The following TET1 variants were observed in gnomAD, a reference collection of about 807,000 sequenced individuals.
TET1 encodes methylcytosine dioxygenase TET1.
In TET1, 13 loss-of-function variants were observed where a neutral mutation model predicts 148.7. The observed-to-expected ratio is 0.09, with a 90% CI of 0.06 to 0.14. TET1 has a LOEUF of 0.14. TET1 is among the 10% of genes least tolerant of loss of function. The pLI is 1.00. For missense variants in TET1, 2,182 were observed against 2,553.8 expected, an observed-to-expected ratio of 0.85 and a Z score of 3.14; for synonymous variants, 907 against 937.2, an observed-to-expected ratio of 0.97 and a Z score of 0.59.
At chr10:68,575,059 T>C (rs187282055) in intron 2 of TET1, among the ~76,000 whole-genome samples, 2 of 152,342 alleles carry the variant, frequency 1.3e-5, no homozygotes, top group East Asian at 3.9e-4. Context: ...ACATCTACTA[T>C]GAATGCAGGT....
chr10:68,617,233 C>CT, intron 3 of TET1, among the ~76,000 whole-genome samples: 1 of 149,568 alleles, frequency 6.7e-6, no homozygotes. Flanking sequence ...ACCATGTTAA[C>CT]CAGTATGGTC....
At chr10:68,672,343 C>T (rs909518533) in intron 7 of TET1, among the ~76,000 whole-genome samples, 1 of 151,616 alleles carries the variant, frequency 6.6e-6, no homozygotes, top group African/African-American at 2.4e-5. Flanking sequence ...AAAAAATTAG[C>T]TGGGCGTGGT....
chr10:68,606,138 G>A (rs2054120356), intron 3 of TET1, among the ~76,000 whole-genome samples: 1 of 151,720 alleles, frequency 6.6e-6, no homozygotes, highest in Admixed American at 6.6e-5. Context: ...AGGCCAGGAT[G>A]AGTGGATCAC....
intron 3 of TET1, among the ~76,000 whole-genome samples, chr10:68,623,138 A>G (rs1589084619): frequency 6.6e-6 from 1 of 152,206 alleles, no homozygotes; most frequent in East Asian, 1.9e-4. Context: ...CAAGTCCTTT[A>G]ATCGTATTTA....
intron 2 of TET1, among the ~76,000 whole-genome samples, chr10:68,595,452 G>A (rs2053966703): frequency 6.6e-6 from 1 of 151,942 alleles, no homozygotes; most frequent in African/African-American, 2.4e-5. Flanking sequence ...TAATTTGGAA[G>A]AAAATTCCTT....
At chr10:68,621,572 C>G (rs1372068508) in intron 3 of TET1, among the ~76,000 whole-genome samples, 2 of 152,034 alleles carry the variant, frequency 1.3e-5, no homozygotes, top group African/African-American at 2.4e-5. Context: ...CAGAGTGAGA[C>G]TCCATCTCAA....
chr10:68,572,145 T>C (rs1169543793), intron 1 of TET1, 72 bp from the exon 2 acceptor site: 3 of 551,626 alleles, frequency 5.4e-6, no homozygotes, highest in Non-Finnish European at 9.5e-6. Flanking sequence ...CAATTAGTAG[T>C]GAATATTCTA....
intron 6 of TET1, among the ~76,000 whole-genome samples, chr10:68,660,804 G>T (rs569987830): frequency 6.6e-6 from 1 of 151,172 alleles, no homozygotes; most frequent in Admixed American, 6.6e-5. Context: ...GGTATTACAG[G>T]TGCCCACCAC....
At chr10:68,592,333 A>AAAAAC (rs771122351) in intron 2 of TET1, among the ~76,000 whole-genome samples, 1 of 151,194 alleles carries the variant, frequency 6.6e-6, no homozygotes, top group East Asian at 1.9e-4. Flanking sequence ...AGAAAAAACA[A>AAAAAC]AAAACAAAAC....
intron 3 of TET1, among the ~76,000 whole-genome samples, chr10:68,603,109 G>T (rs1029977501): frequency 2.6e-5 from 4 of 152,168 alleles, no homozygotes; most frequent in Non-Finnish European, 5.9e-5. Flanking sequence ...CTAGGAGCAT[G>T]CTACCTGGGG....
chr10:68,657,310 A>G (rs191053975), intron 6 of TET1, among the ~76,000 whole-genome samples: 27,522 of 151,686 alleles, frequency 0.18, 3,079 homozygotes, highest in African/African-American at 0.31. Context: ...CCGAGTAGCT[A>G]GGACTACAGG....
chr10:68,589,311 A>C (rs1489018714), intron 2 of TET1, among the ~76,000 whole-genome samples: 1 of 151,980 alleles, frequency 6.6e-6, no homozygotes, highest in Non-Finnish European at 1.5e-5. Flanking sequence ...TATCAATTTC[A>C]TTATCACTAG....
At chr10:68,565,475 A>AAAATT (rs1388182777) in intron 1 of TET1, among the ~76,000 whole-genome samples, 1 of 129,232 alleles carries the variant, frequency 7.7e-6, no homozygotes, top group Non-Finnish European at 1.6e-5. Flanking sequence ...AAAAAAAAAA[A>AAAATT]ATATATATAT....
chr10:68,650,700 T>G (rs2054919267), intron 4 of TET1, among the ~76,000 whole-genome samples: 1 of 152,116 alleles, frequency 6.6e-6, no homozygotes, highest in Non-Finnish European at 1.5e-5. Flanking sequence ...GTATTTGACA[T>G]CCAGTGAAAA....
At chr10:68,675,727 A>G (rs2055340397) in intron 8 of TET1, among the ~76,000 whole-genome samples, 1 of 151,920 alleles carries the variant, frequency 6.6e-6, no homozygotes, top group Admixed American at 6.6e-5. Context: ...GGCCAGGCAG[A>G]TTTTTAGAAA....
intron 6 of TET1, among the ~76,000 whole-genome samples, chr10:68,656,014 G>A (rs2055015694): frequency 6.6e-6 from 1 of 152,128 alleles, no homozygotes; most frequent in South Asian, 2.1e-4. Flanking sequence ...GTACATTCAA[G>A]GGATGTAGGT....
At chr10:68,607,391 T>G (rs2054139383) in intron 3 of TET1, among the ~76,000 whole-genome samples, 1 of 148,928 alleles carries the variant, frequency 6.7e-6, no homozygotes, top group Non-Finnish European at 1.5e-5. Flanking sequence ...TTTATTTAAG[T>G]TTTGTTTGGA....
chr10:68,582,090 A>T (rs1483216249), intron 2 of TET1, among the ~76,000 whole-genome samples: 2 of 147,308 alleles, frequency 1.4e-5, no homozygotes, highest in Non-Finnish European at 3.0e-5. Context: ...AGCATATTAG[A>T]TGACACTATT....
At chr10:68,682,790 A>AT in intron 9 of TET1, 46 bp from the exon 10 acceptor site, 1 of 1,570,392 alleles carries the variant, frequency 6.4e-7, no homozygotes, top group African/African-American at 1.4e-5. Flanking sequence ...AAGGTAGGTG[A>AT]TTTCCTTCTC....
Sources: gnomAD v4.1 joint callset for allele counts (sites outside exome capture counted in the v4.1 genomes callset) on GRCh38, gnomAD v4.1.1 for gene constraint, MANE v1.5 for transcripts, NCBI Gene and HGNC (gene_info 2026-07-23, HGNC 2026-07-21) for gene names.